Variants in LRRC7 observed in about 807,000 individuals in gnomAD.
The protein encoded by LRRC7 is leucine rich repeat containing 7.
Under a neutral mutation model 175.7 loss-of-function variants are expected in LRRC7, and 23 were observed. The observed-to-expected ratio is 0.13, with a 90% confidence interval of 0.09 to 0.19. The LOEUF is 0.19. Among genes scored for constraint, LRRC7 ranks in the 10% least tolerant of loss-of-function variants. The pLI, the probability that LRRC7 is intolerant of heterozygous loss-of-function variation, is 1.00. For synonymous variants in LRRC7, 685 were observed against 680.9 expected, an observed-to-expected ratio of 1.01 and a Z score of -0.09; for missense variants, 1,354 against 1,904.7, an observed-to-expected ratio of 0.71 and a Z score of 5.38.
intron 7 of LRRC7, among the ~76,000 whole-genome samples, chr1:69,889,091 T>A (rs139998432): frequency 2.6e-5 from 4 of 152,314 alleles, no homozygotes; most frequent in African/African-American, 9.6e-5. Context: ...GAAAAAATAC[T>A]TTATTGCTAA....
chr1:69,836,841 T>C (rs1018089919), intron 6 of LRRC7, among the ~76,000 whole-genome samples: 1 of 151,490 alleles, frequency 6.6e-6, no homozygotes. Context: ...AGATTAATCA[T>C]TATAAGATTA....
chr1:69,789,755 G>A (rs1674894567), intron 3 of LRRC7, among the ~76,000 whole-genome samples: 1 of 151,984 alleles, frequency 6.6e-6, no homozygotes, highest in South Asian at 2.1e-4. Flanking sequence ...TCACTTTTGT[G>A]TATAGAAAGA....
rs192390416 is a variant in LRRC7, at chr1:69,716,802, A to G, written c.100+38324A>G. On this transcript the variant is annotated intron_variant, in intron 2 of 26. Coordinates refer to ENST00000651989, the MANE Select transcript of LRRC7 (RefSeq NM_001370785.2). ...AAGCATGCAATGTTTAGATAAATGG[A>G]TAAAAAATGAACTTAAGAATGTGGA... is the stretch of plus-strand genomic sequence containing the variant. Among the ~76,000 whole-genome samples, 230 of 152,018 alleles carry G rather than the reference A, an allele frequency of 1.5e-3. 1 individual carries two copies. The highest frequency in any genetic ancestry group is 6.8e-3 in the Middle Eastern group (2 of 294).
At chr1:69,778,107 C>T (rs1386946253) in intron 3 of LRRC7, among the ~76,000 whole-genome samples, 1 of 152,188 alleles carries the variant, frequency 6.6e-6, no homozygotes, top group East Asian at 1.9e-4. Flanking sequence ...GCTGTTTCCT[C>T]TGCCTGGCAT....
In LRRC7 at chr1:70,142,912, T is replaced by TATC. The variant is rs957665583; in HGVS notation, c.*21026_*21028dup. ...TATTATGTTTTGGATGTTTTCTAAG[T>TATC]ATCTATGAAAATTATTTTTTCCTAA... On this transcript the variant is annotated 3_prime_UTR_variant, in exon 27 of 27. Transcript: ENST00000651989. The TATC allele has an allele frequency of 1.1e-4, 16 of 152,086 alleles. No individual in the cohort carries two copies. The highest frequency in any genetic ancestry group is 3.1e-4 in the African/African-American group (13 of 41,450). The allele number at this position is 152,086 out of a possible 1,614,324, so 9.4% of individuals were successfully genotyped here.
chr1:69,930,305 C>G (rs1233914827), intron 7 of LRRC7, among the ~76,000 whole-genome samples: 1 of 151,912 alleles, frequency 6.6e-6, no homozygotes, highest in Non-Finnish European at 1.5e-5. Flanking sequence ...TTTTGCATTT[C>G]TGAGTATCTG....
chr1:70,080,079 G>A (rs1260227597), intron 24 of LRRC7, among the ~76,000 whole-genome samples: 1 of 152,108 alleles, frequency 6.6e-6, no homozygotes, highest in Non-Finnish European at 1.5e-5. Flanking sequence ...TGCCCTCTCT[G>A]TCAAATGATA....
At chr1:69,881,010 G>A (rs1233264790) in intron 7 of LRRC7, among the ~76,000 whole-genome samples, 1 of 152,182 alleles carries the variant, frequency 6.6e-6, no homozygotes, top group Non-Finnish European at 1.5e-5. Flanking sequence ...AAATGTCAAT[G>A]CCTCTTTGAA....
intron 26 of LRRC7, among the ~76,000 whole-genome samples, chr1:70,117,389 G>A (rs1194869442): frequency 6.6e-6 from 1 of 152,118 alleles, no homozygotes; most frequent in Non-Finnish European, 1.5e-5. Flanking sequence ...CATAAATCCA[G>A]GAGAGAACAA....
intron 1 of LRRC7, among the ~76,000 whole-genome samples, chr1:69,625,312 C>T (rs1651302994): frequency 7.1e-6 from 1 of 141,124 alleles, no homozygotes; most frequent in Non-Finnish European, 1.6e-5. Flanking sequence ...ATTGTGGAAC[C>T]TATAGTGATG....
At chr1:70,054,660 CTGCTCACT>C (rs111624944) in intron 23 of LRRC7, among the ~76,000 whole-genome samples, 18,672 of 128,286 alleles carry the variant, frequency 0.15, 1,609 homozygotes, top group Middle Eastern at 0.29. Flanking sequence ...GGCGCGATCT[CTGCTCACT>C]TGCTCACTGC....
At position 69,796,344 on chromosome 1, in the gene LRRC7, A is replaced by G. The variant is rs573929451; in HGVS notation, c.421+4184A>G. On this transcript the variant is annotated intron_variant, in intron 4 of 26. Transcript: ENST00000651989. ...CATCTCTCTTCCATTTCATGCTCAG[A>G]TAGTACCAGATTGTAATTTCCAAAT... is the stretch of plus-strand genomic sequence containing the variant. Among the ~76,000 whole-genome samples the G allele has an allele frequency of 2.1e-4, 32 of 151,946 alleles. No homozygotes were observed. The South Asian group carries it at 5.6e-3, about 27-fold the overall frequency.
chr1:70,126,360 A>C lies in LRRC7; in HGVS notation c.*4473A>C, dbSNP rs1190353103. On this transcript the variant is annotated 3_prime_UTR_variant, in exon 27 of 27. Coordinates refer to ENST00000651989, the MANE Select transcript of LRRC7 (RefSeq NM_001370785.2). Reference sequence around the variant, plus strand: ...ATGGGTCCTTTATCTAGTATAAAGAAAAGCGGGGTTGAAGTTCCACTGTAG... The same window carrying C: ...ATGGGTCCTTTATCTAGTATAAAGACAAGCGGGGTTGAAGTTCCACTGTAG... Among the ~76,000 whole-genome samples, 1 of 152,046 alleles carries C rather than the reference A, an allele frequency of 6.6e-6. No individual in the cohort carries two copies. Among genetic ancestry groups the C allele is most frequent in the Non-Finnish European group, 1.5e-5 (1 of 68,004 alleles).
chr1:69,714,818 G>A (rs1449772944), intron 2 of LRRC7, among the ~76,000 whole-genome samples: 1 of 152,018 alleles, frequency 6.6e-6, no homozygotes, highest in Non-Finnish European at 1.5e-5. Context: ...AAGACCAGGA[G>A]GAGCATTTTT....
rs571200174 is a variant in LRRC7 at position 70,110,065 on chromosome 1, A to G, written c.4620+2239A>G. Among the ~76,000 whole-genome samples, 14 of 152,328 alleles carry G rather than the reference A, an allele frequency of 9.2e-5. No individual in the cohort carries two copies. The East Asian group carries it at 2.5e-3, about 27-fold the overall frequency. On this transcript the variant is annotated intron_variant, in intron 26 of 26. Transcript: ENST00000651989. ...GTATTATAACAAAATTATACACAGTATATCTTGCAGATGGAAACATAGGTT... is the reference window on the plus strand; with the variant it reads ...GTATTATAACAAAATTATACACAGTGTATCTTGCAGATGGAAACATAGGTT...
intron 25 of LRRC7, among the ~76,000 whole-genome samples, chr1:70,095,395 T>C (rs1664315105): frequency 6.6e-6 from 1 of 152,184 alleles, no homozygotes; most frequent in Non-Finnish European, 1.5e-5. Flanking sequence ...TTTGAAGACA[T>C]TAAAAGTGAG....
At chr1:70,037,581 T>C (rs1271604740) in intron 20 of LRRC7, among the ~76,000 whole-genome samples, 1 of 152,132 alleles carries the variant, frequency 6.6e-6, no homozygotes, top group Non-Finnish European at 1.5e-5. Context: ...ACAATTTAGA[T>C]TCATCAGATA....
chr1:70,085,541 T>C (rs182136624), intron 24 of LRRC7, among the ~76,000 whole-genome samples: 13 of 152,256 alleles, frequency 8.5e-5, no homozygotes, highest in Middle Eastern at 3.4e-3. Flanking sequence ...ATAATTGCTG[T>C]CCCCTTTGCT....
At chr1:69,649,358 A>C (rs1655448268) in intron 1 of LRRC7, among the ~76,000 whole-genome samples, 1 of 152,164 alleles carries the variant, frequency 6.6e-6, no homozygotes, top group Non-Finnish European at 1.5e-5. Context: ...AGGGAGAGAA[A>C]GCTATGGGAA....
Sources: gnomAD v4.1 joint callset for allele counts (sites outside exome capture counted in the v4.1 genomes callset) on GRCh38, gnomAD v4.1.1 for gene constraint, MANE v1.5 for transcripts, NCBI Gene and HGNC (gene_info 2026-07-23, HGNC 2026-07-21) for gene names.